CNTN1: variants seen among roughly 807,000 people sequenced by gnomAD.
The protein encoded by CNTN1 is contactin-1.
A neutral mutation model predicts 126.4 loss-of-function variants in CNTN1; 38 were observed. That is an observed-to-expected ratio of 0.30 (90% CI 0.23 to 0.39). The LOEUF is 0.39. Ranked by LOEUF, CNTN1 falls within the 10% of genes least tolerant of loss-of-function variation. CNTN1 has a pLI of 1.00. For synonymous variants in CNTN1, 413 were observed against 422.6 expected, an observed-to-expected ratio of 0.98 and a Z score of 0.28; for missense variants, 1,009 against 1,248.4, an observed-to-expected ratio of 0.81 and a Z score of 2.89.
At chr12:40,923,970 C>T (rs1019496736) in intron 5 of CNTN1, among the ~76,000 whole-genome samples, 1 of 152,088 alleles carries the variant, frequency 6.6e-6, no homozygotes, top group Non-Finnish European at 1.5e-5. Flanking sequence ...GGAAGAATAT[C>T]AAGGAATCAA....
intron 1 of CNTN1, among the ~76,000 whole-genome samples, chr12:40,756,769 C>T (rs910342883): frequency 1.3e-5 from 2 of 152,158 alleles, no homozygotes; most frequent in Non-Finnish European, 2.9e-5. Context: ...TCCCTCAAGT[C>T]ATTCTCTGCT....
chr12:40,922,296 C>A lies in CNTN1; in HGVS notation c.268C>A (p.Arg90=), dbSNP rs756907367. Residue 90 remains arginine (R), a synonymous_variant, in exon 5 of 24, where the codon CGA becomes AGA. Transcript: ENST00000551295. Reference sequence around the variant, plus strand: ...TGGGGACGTTGATCTCACAAGTGATCGATACAGTATGGTAGGAGGAAACCT... The same window carrying A: ...TGGGGACGTTGATCTCACAAGTGATAGATACAGTATGGTAGGAGGAAACCT... ...NNGDVDLTSD[R]YSMVGGNLVI... 3.7e-6 allele frequency: 6 copies of A among 1,613,684 alleles called. No homozygotes were observed. The Admixed American group carries it at 6.7e-5, about 18-fold the overall frequency.
chr12:40,789,156 T>TC (rs1940137365), intron 1 of CNTN1, among the ~76,000 whole-genome samples: 1 of 152,186 alleles, frequency 6.6e-6, no homozygotes, highest in Non-Finnish European at 1.5e-5. Context: ...AAAATCTGCT[T>TC]TTTAAATTTC....
intron 1 of CNTN1, among the ~76,000 whole-genome samples, chr12:40,850,923 C>T (rs891083395): frequency 6.6e-6 from 1 of 152,052 alleles, no homozygotes; most frequent in Non-Finnish European, 1.5e-5. Flanking sequence ...GTTTGTTTGG[C>T]ATTTTGAGGT....
At chr12:40,917,062 G>GGGGT (rs35466343) in intron 3 of CNTN1, among the ~76,000 whole-genome samples, 47,828 of 102,350 alleles carry the variant, frequency 0.47, 9,743 homozygotes, top group Middle Eastern at 0.59. Context: ...TGGTGGGGGC[G>GGGGT]GGGGGGGGGG....
chr12:40,699,505 T>C (rs535437801), intron 1 of CNTN1, among the ~76,000 whole-genome samples: 113 of 152,284 alleles, frequency 7.4e-4, no homozygotes, highest in East Asian at 4.2e-3. Flanking sequence ...TCAATAAATA[T>C]CTTTTAAATA....
chr12:40,922,253 T>C lies in CNTN1; in HGVS notation c.228-3T>C. The C allele has an allele frequency of 6.2e-7, 1 of 1,613,580 alleles. No homozygotes were observed. The highest frequency in any genetic ancestry group is 8.5e-7 in the Non-Finnish European group (1 of 1,179,580). On this transcript the variant is annotated splice_region_variant and splice_polypyrimidine_tract_variant and intron_variant, in intron 4 of 23. Coordinates refer to ENST00000551295, the MANE Select transcript of CNTN1 (RefSeq NM_001843.4). ...ATATGACCTTTGTGTCTTTTTCTCA[T>C]AGATGGAGAATGAATAATGGGGACG...
chr12:40,998,825 C>T (rs1198973493), intron 17 of CNTN1, among the ~76,000 whole-genome samples: 1 of 151,960 alleles, frequency 6.6e-6, no homozygotes, highest in African/African-American at 2.4e-5. Flanking sequence ...TATTAAATCA[C>T]CATGAAATTC....
intron 23 of CNTN1, chr12:41,061,676 A>G: frequency 2.7e-6 from 1 of 373,564 alleles, no homozygotes; most frequent in Non-Finnish European, 5.3e-6. Flanking sequence ...ATATTCTCAA[A>G]TATATTATGG....
intron 23 of CNTN1, among the ~76,000 whole-genome samples, chr12:41,042,483 T>A (rs1949438044): frequency 6.6e-6 from 1 of 152,100 alleles, no homozygotes; most frequent in Non-Finnish European, 1.5e-5. Context: ...GTTGACTTTC[T>A]GTCTCGTTGA....
At chr12:40,748,702 G>A (rs1186399940) in intron 1 of CNTN1, among the ~76,000 whole-genome samples, 2 of 151,944 alleles carry the variant, frequency 1.3e-5, no homozygotes, top group Non-Finnish European at 2.9e-5. Context: ...TAATGTGTTT[G>A]TTCCTAAAGT....
At chr12:40,955,260 T>C (rs1454966452) in intron 14 of CNTN1, among the ~76,000 whole-genome samples, 1 of 152,054 alleles carries the variant, frequency 6.6e-6, no homozygotes, top group African/African-American at 2.4e-5. Context: ...TTATAGAGAT[T>C]ACCTTCTAGA....
rs77533030 is a variant in CNTN1, at chr12:41,012,041, A to G, written c.2114-2187A>G. 6.7e-3 allele frequency among the ~76,000 whole-genome samples: 1,014 copies of G among 152,222 alleles called. 11 individuals carry two copies. Among genetic ancestry groups the G allele is most frequent in the African/African-American group, 0.022 (931 of 41,540 alleles). ...GCATAAAGCCTGGTTTCTAGTAGAG[A>G]GGCGTAAAAAGGGGAGAGAATTGGG... On this transcript the variant is annotated intron_variant, in intron 17 of 23. Coordinates refer to ENST00000551295, the MANE Select transcript of CNTN1 (RefSeq NM_001843.4).
At position 40,822,148 on chromosome 12, in the gene CNTN1, C is replaced by CTTTTTTTTTTTTTTTTTTTTTTTTTTTTT. The variant is rs777953120; in HGVS notation, c.-76-86185_-76-86184insTTTTTTTTTTTTTTTTTTTTTTTTTTTTT. ...TTTCCAGTCTAGACAAAATATAAAT[C>CTTTTTTTTTTTTTTTTTTTTTTTTTTTTT]TTTTTTTTTTTTTTTTTTTTTTTTG... is the stretch of plus-strand genomic sequence containing the variant. On this transcript the variant is annotated intron_variant, in intron 1 of 23. Transcript: ENST00000551295. Among the ~76,000 whole-genome samples the CTTTTTTTTTTTTTTTTTTTTTTTTTTTTT allele has an allele frequency of 7.4e-4, 35 of 47,262 alleles. 3 individuals are homozygous for CTTTTTTTTTTTTTTTTTTTTTTTTTTTTT. The highest frequency in any genetic ancestry group is 8.9e-4 in the Non-Finnish European group (21 of 23,474). 31.0% of individuals were successfully genotyped at this position (47,262 alleles called of 152,430 possible). A position where few individuals can be genotyped will look rare whatever the true frequency, so the allele number is the denominator to read the frequency against.
chr12:41,050,818 TTTC>T lies in CNTN1; in HGVS notation c.2981-19137_2981-19135del, dbSNP rs1949658935. Among the ~76,000 whole-genome samples, 3 of 152,336 alleles carry T rather than the reference TTTC, an allele frequency of 2.0e-5. No homozygotes were observed. The South Asian group carries it at 6.2e-4, about 32-fold the overall frequency. On this transcript the variant is annotated intron_variant, in intron 23 of 23. Transcript: ENST00000551295. ...CACTCTATATCAGCATTTCTCAAAC[TTTC>T]TTCATTATTGCCTCCCTAGGAAGCC...
chr12:40,926,171 GGATAGATA>G lies in CNTN1; in HGVS notation c.496+1564_496+1571del, dbSNP rs56862813. On this transcript the variant is annotated intron_variant, in intron 6 of 23. Coordinates refer to ENST00000551295, the MANE Select transcript of CNTN1 (RefSeq NM_001843.4). ...TGCCATGTTAGATATTGCTAAATAA[GGATAGATA>G]GATAGATAGATAGATAGATAGATAG... is the stretch of plus-strand genomic sequence containing the variant. Among the ~76,000 whole-genome samples, 1,184 of 137,604 alleles carry G rather than the reference GGATAGATA, an allele frequency of 8.6e-3. 5 individuals carry two copies. Among genetic ancestry groups the G allele is most frequent in the African/African-American group, 0.018 (654 of 36,282 alleles). The allele number at this position is 137,604 out of a possible 152,430, so 90.3% of individuals were successfully genotyped here.
intron 1 of CNTN1, among the ~76,000 whole-genome samples, chr12:40,852,672 A>G (rs1942763497): frequency 6.6e-6 from 1 of 152,074 alleles, no homozygotes; most frequent in African/African-American, 2.4e-5. Flanking sequence ...GAGGAAGAAC[A>G]ATATTTGCGT....
At chr12:40,924,899 G>C (rs895433657) in intron 6 of CNTN1, among the ~76,000 whole-genome samples, 1 of 54,882 alleles carries the variant, frequency 1.8e-5, no homozygotes, top group Non-Finnish European at 3.7e-5. Flanking sequence ...TATATATATA[G>C]TATTATGTCA....
chr12:40,814,937 G>GTAT (rs61278149), intron 1 of CNTN1, among the ~76,000 whole-genome samples: 3,446 of 152,064 alleles, frequency 0.023, 121 homozygotes, highest in African/African-American at 0.077. Flanking sequence ...GGATTCCTAG[G>GTAT]TTGATTTTCT....
Sources: gnomAD v4.1 joint callset for allele counts (sites outside exome capture counted in the v4.1 genomes callset) on GRCh38, gnomAD v4.1.1 for gene constraint, MANE v1.5 for transcripts, NCBI Gene and HGNC (gene_info 2026-07-23, HGNC 2026-07-21) for gene names.